CDH4: variants seen among roughly 807,000 people sequenced by gnomAD.
CDH4 encodes the protein cadherin 4.
A neutral mutation model predicts 86.0 loss-of-function variants in CDH4; 33 were observed. The observed-to-expected ratio is 0.38, with a 90% confidence interval of 0.29 to 0.51. CDH4 has a LOEUF of 0.51. CDH4 is among the 20% of genes least tolerant of loss of function. The pLI is 0.86. For missense variants in CDH4, 1,114 were observed against 1,307.4 expected, an observed-to-expected ratio of 0.85 and a Z score of 2.28; for synonymous variants, 555 against 549.4, an observed-to-expected ratio of 1.01 and a Z score of -0.14.
intron 6 of CDH4, 47 bp from the exon 7 acceptor site, chr20:61,873,681 G>A (rs1347391789): frequency 6.9e-6 from 11 of 1,586,698 alleles, no homozygotes; most frequent in Non-Finnish European, 8.6e-6. Flanking sequence ...GGGGGTGGCA[G>A]CCTGTGTGGC....
chr20:61,706,288 G>A (rs1482676860), intron 2 of CDH4, among the ~76,000 whole-genome samples: 1 of 152,052 alleles, frequency 6.6e-6, no homozygotes, highest in Admixed American at 6.6e-5. Context: ...GGGGCTGTGT[G>A]TTTACTAAAG....
intron 2 of CDH4, among the ~76,000 whole-genome samples, chr20:61,696,701 C>T (rs2145879376): frequency 6.6e-6 from 1 of 152,346 alleles, no homozygotes; most frequent in South Asian, 2.1e-4. Flanking sequence ...CTAGAACATA[C>T]TACCAGGGAG....
At chr20:61,772,095 T>A (rs1323547215) in intron 3 of CDH4, among the ~76,000 whole-genome samples, 1 of 152,244 alleles carries the variant, frequency 6.6e-6, no homozygotes, top group African/African-American at 2.4e-5. Flanking sequence ...TTTCTCATTG[T>A]CATCTGATGT....
At chr20:61,761,493 G>T (rs1041736040) in intron 3 of CDH4, among the ~76,000 whole-genome samples, 5 of 152,194 alleles carry the variant, frequency 3.3e-5, no homozygotes, top group African/African-American at 4.8e-5. Context: ...CGTGGTGTGT[G>T]TGTGGCTGGG....
intron 2 of CDH4, among the ~76,000 whole-genome samples, chr20:61,453,470 A>C (rs889047855): frequency 6.6e-6 from 1 of 152,058 alleles, no homozygotes; most frequent in African/African-American, 2.4e-5. Flanking sequence ...CCTGTCTCTC[A>C]TGGGAGGAGG....
intron 2 of CDH4, among the ~76,000 whole-genome samples, chr20:61,563,174 G>A (rs998679331): frequency 4.6e-5 from 7 of 152,226 alleles, no homozygotes; most frequent in East Asian, 1.9e-4. Flanking sequence ...AAGGGCCCAC[G>A]GGGAGCCCAG....
chr20:61,281,852 G>A (rs769314286), intron 2 of CDH4, among the ~76,000 whole-genome samples: 7 of 152,234 alleles, frequency 4.6e-5, no homozygotes, highest in Non-Finnish European at 8.8e-5. Context: ...TGTTAGACAC[G>A]AAAGAAAACA....
intron 2 of CDH4, among the ~76,000 whole-genome samples, chr20:61,523,562 G>T (rs937166225): frequency 4.6e-5 from 7 of 152,220 alleles, no homozygotes; most frequent in Non-Finnish European, 8.8e-5. Flanking sequence ...TTTTACTAAG[G>T]TTCATTCTAT....
chr20:61,342,202 A>G (rs1012661003), intron 2 of CDH4, among the ~76,000 whole-genome samples: 3 of 152,178 alleles, frequency 2.0e-5, no homozygotes, highest in African/African-American at 7.2e-5. Context: ...TTCATGGAAG[A>G]CAGTTTTTCC....
intron 2 of CDH4, among the ~76,000 whole-genome samples, chr20:61,618,204 G>A (rs796295500): frequency 2.7e-4 from 41 of 152,160 alleles, no homozygotes; most frequent in African/African-American, 9.6e-4. Flanking sequence ...GGCATGGGTG[G>A]CCCGGTTCTT....
At chr20:61,317,364 A>G (rs2123234280) in intron 2 of CDH4, among the ~76,000 whole-genome samples, 1 of 152,294 alleles carries the variant, frequency 6.6e-6, no homozygotes, top group Middle Eastern at 3.4e-3. Flanking sequence ...AACATGGGAT[A>G]AATTAAGGCG....
intron 2 of CDH4, among the ~76,000 whole-genome samples, chr20:61,587,904 C>G (rs1023133587): frequency 6.6e-6 from 1 of 152,174 alleles, no homozygotes; most frequent in Admixed American, 6.5e-5. Context: ...CCAGGCCCCA[C>G]GTTAAATTGA....
At chr20:61,793,347 ATAT>A (rs1568818919) in intron 4 of CDH4, among the ~76,000 whole-genome samples, 1 of 152,202 alleles carries the variant, frequency 6.6e-6, no homozygotes, top group African/African-American at 2.4e-5. Flanking sequence ...AACAACTTAG[ATAT>A]TATAATGGAT....
chr20:61,409,644 T>G (rs2085104943), intron 2 of CDH4, among the ~76,000 whole-genome samples: 1 of 152,262 alleles, frequency 6.6e-6, no homozygotes, highest in Admixed American at 6.5e-5. Context: ...GCAGAGCCGC[T>G]GCGTGTGACA....
intron 4 of CDH4, among the ~76,000 whole-genome samples, chr20:61,803,728 C>T (rs890127823): frequency 1.3e-5 from 2 of 152,222 alleles, no homozygotes; most frequent in African/African-American, 4.8e-5. Flanking sequence ...CTGTGTGCTT[C>T]CCAGAGCCCT....
rs1331969666 is a variant in CDH4, at chr20:61,565,233, GTGGTGGTGGCGGTGCTCTTGGTGA to G, written c.170-178320_170-178297del. The stretch of plus-strand genomic sequence containing the variant: ...GTGCTCTCGGTGGTAGGTGGTGGTG[GTGGTGGTGGCGGTGCTCTTGGTGA>G]TGGTGGTGGTGGTCCTCTTGGTGAT... On this transcript the variant is annotated intron_variant, in intron 2 of 15. Transcript: ENST00000614565. Among the ~76,000 whole-genome samples, 17 of 46,744 alleles carry G rather than the reference GTGGTGGTGGCGGTGCTCTTGGTGA, an allele frequency of 3.6e-4. 2 individuals are homozygous for G. The highest frequency in any genetic ancestry group is 5.8e-4 in the Non-Finnish European group (14 of 24,304). The allele number at this position is 46,744 out of a possible 152,430, so 30.7% of individuals were successfully genotyped here.
At chr20:61,515,088 T>C (rs1190075327) in intron 2 of CDH4, among the ~76,000 whole-genome samples, 1 of 152,176 alleles carries the variant, frequency 6.6e-6, no homozygotes, top group African/African-American at 2.4e-5. Context: ...ATGTAGCGAG[T>C]TCAGAGAGAA....
intron 8 of CDH4, among the ~76,000 whole-genome samples, chr20:61,906,978 G>A (rs1292977285): frequency 6.6e-6 from 1 of 152,088 alleles, no homozygotes; most frequent in South Asian, 2.1e-4. Context: ...GCCACTGCAG[G>A]GGTCACCTGC....
At chr20:61,690,015 G>A (rs545905535) in intron 2 of CDH4, among the ~76,000 whole-genome samples, 3 of 149,766 alleles carry the variant, frequency 2.0e-5, no homozygotes, top group East Asian at 2.0e-4. Context: ...ATGTGGATTC[G>A]GGTGGGGACA....
Sources: allele counts gnomAD v4.1 joint callset (sites outside exome capture counted in the v4.1 genomes callset), GRCh38; gene constraint gnomAD v4.1.1; transcripts MANE v1.5; gene names NCBI Gene and HGNC (gene_info 2026-07-23, HGNC 2026-07-21).